The following RAB2A variants were observed in gnomAD, a reference collection of about 807,000 sequenced individuals.
The protein encoded by RAB2A is ras-related protein Rab-2A.
A neutral mutation model predicts 32.5 loss-of-function variants in RAB2A; 7 were observed. The ratio of observed to expected loss-of-function variants is 0.22; its 90% confidence interval spans 0.12 to 0.40. RAB2A has a LOEUF of 0.40. Among genes scored for constraint, RAB2A ranks in the 10% least tolerant of loss-of-function variants. The pLI is 1.00. For missense variants in RAB2A, 108 were observed against 260.7 expected (o/e 0.41, Z 4.03); for synonymous variants, 79 against 85.2 (o/e 0.93, Z 0.40).
At chr8:60,580,274 C>T (rs1803721981) in intron 3 of RAB2A, among the ~76,000 whole-genome samples, 2 of 152,132 alleles carry the variant, frequency 1.3e-5, no homozygotes, top group Admixed American at 1.3e-4. Context: ...AGATTACAGG[C>T]GTGAGCCACT....
At chr8:60,618,472 G>A (rs572660963) in intron 6 of RAB2A, 108 bp from the exon 7 acceptor site, 7 of 438,844 alleles carry the variant, frequency 1.6e-5, no homozygotes, top group South Asian at 6.0e-5. Flanking sequence ...TATGTATTAC[G>A]TCGATTGACT....
chr8:60,613,589 G>A (rs2150437938), intron 6 of RAB2A, among the ~76,000 whole-genome samples: 1 of 152,300 alleles, frequency 6.6e-6, no homozygotes, highest in Middle Eastern at 3.4e-3. Flanking sequence ...GTAAGAAGTG[G>A]TACTGGGGTT....
At chr8:60,523,191 G>A (rs1384014066) in intron 1 of RAB2A, among the ~76,000 whole-genome samples, 4 of 145,388 alleles carry the variant, frequency 2.8e-5, no homozygotes, top group South Asian at 2.2e-4. Flanking sequence ...AGACAGTCTC[G>A]CTGTCACCCA....
At chr8:60,549,452 A>G (rs1331357435) in intron 1 of RAB2A, among the ~76,000 whole-genome samples, 2 of 151,042 alleles carry the variant, frequency 1.3e-5, no homozygotes, top group Non-Finnish European at 2.9e-5. Context: ...AGCCCGGCCA[A>G]CACAGCGAAA....
intron 7 of RAB2A, 21 bp downstream of exon 7, chr8:60,618,669 T>G (rs779394193): frequency 1.4e-5 from 13 of 929,674 alleles, no homozygotes; most frequent in Non-Finnish European, 1.9e-5. Flanking sequence ...ATAAATATTG[T>G]TGGTCAATAT....
At chr8:60,568,896 G>A (rs1255729704) in intron 2 of RAB2A, among the ~76,000 whole-genome samples, 9 of 152,164 alleles carry the variant, frequency 5.9e-5, no homozygotes, top group African/African-American at 9.7e-5. Flanking sequence ...AAAGGAGAAG[G>A]AAACCTTTCT....
intron 2 of RAB2A, among the ~76,000 whole-genome samples, chr8:60,560,635 A>G (rs1005695550): frequency 1.3e-5 from 2 of 152,206 alleles, no homozygotes; most frequent in African/African-American, 4.8e-5. Context: ...ACTTAAGCCC[A>G]GCGTGTCCAA....
At chr8:60,549,414 G>A (rs1410320640) in intron 1 of RAB2A, among the ~76,000 whole-genome samples, 1 of 151,980 alleles carries the variant, frequency 6.6e-6, no homozygotes, top group African/African-American at 2.4e-5. Context: ...GAGGCTGGCG[G>A]ATCACTCGCG....
At chr8:60,566,561 A>G (rs1354567130) in intron 2 of RAB2A, among the ~76,000 whole-genome samples, 2 of 152,176 alleles carry the variant, frequency 1.3e-5, no homozygotes, top group African/African-American at 4.8e-5. Flanking sequence ...TTCTGTAACT[A>G]TAAATTTGCA....
chr8:60,543,302 A>C (rs7839474), intron 1 of RAB2A, among the ~76,000 whole-genome samples: 1 of 150,216 alleles, frequency 6.7e-6, no homozygotes, highest in Non-Finnish European at 1.5e-5. Flanking sequence ...ATCCTGCCTT[A>C]CCTCTTCCAG....
intron 2 of RAB2A, among the ~76,000 whole-genome samples, chr8:60,562,201 G>C (rs914737524): frequency 1.3e-5 from 2 of 152,160 alleles, no homozygotes; most frequent in African/African-American, 4.8e-5. Flanking sequence ...ACCCACGCCT[G>C]TGGAGAAATA....
At chr8:60,540,766 GCCACCGTGCCCAGC>G (rs1350970961) in intron 1 of RAB2A, among the ~76,000 whole-genome samples, 17 of 152,200 alleles carry the variant, frequency 1.1e-4, no homozygotes, top group African/African-American at 2.4e-5. Flanking sequence ...ACAAGTGTGA[GCCACCGTGCCCAGC>G]CCATTTTTTT....
chr8:60,567,044 T>C (rs1379621789), intron 2 of RAB2A, among the ~76,000 whole-genome samples: 1 of 152,158 alleles, frequency 6.6e-6, no homozygotes, highest in African/African-American at 2.4e-5. Flanking sequence ...CTTTGTAATA[T>C]GTTAGACCCC....
chr8:60,518,284 G>GGAC (rs1298849667), intron 1 of RAB2A, among the ~76,000 whole-genome samples: 1 of 152,124 alleles, frequency 6.6e-6, no homozygotes, highest in Non-Finnish European at 1.5e-5. Flanking sequence ...GCACAACTTT[G>GGAC]GACCCTTTGC....
intron 2 of RAB2A, chr8:60,559,280 T>C (rs2056415): frequency 0.52 from 104,844 of 203,438 alleles, 31,391 homozygotes; most frequent in African/African-American, 0.88. Flanking sequence ...GTGCAAGCCA[T>C]TTCCCCGTTT....
intron 1 of RAB2A, among the ~76,000 whole-genome samples, chr8:60,547,870 G>C (rs1218195900): frequency 6.4e-5 from 8 of 124,764 alleles, no homozygotes; most frequent in South Asian, 5.5e-4. Context: ...GCGGCTGGCC[G>C]GGCGGGGGGC....
chr8:60,517,148 C>CGGAGGAGGAGCAGCAGCG lies in RAB2A; in HGVS notation c.-48_-31dup, dbSNP rs1161779313. On this transcript the variant is annotated 5_prime_UTR_variant, in exon 1 of 8. Transcript: ENST00000262646. ...GCTGAGCGGCACCGGGGTTGGGGCG[C>CGGAGGAGGAGCAGCAGCG]GGAGGAGGAGCAGCAGCGGGAGGAG... 7 of 1,453,292 alleles carry CGGAGGAGGAGCAGCAGCG rather than the reference C, an allele frequency of 4.8e-6. No individual in the cohort carries two copies. Among genetic ancestry groups the CGGAGGAGGAGCAGCAGCG allele is most frequent in the Admixed American group, 5.2e-5 (2 of 38,610 alleles). The allele number at this position is 1,453,292 out of a possible 1,614,324, so 90.0% of individuals were successfully genotyped here.
chr8:60,614,563 C>G (rs566092967), intron 6 of RAB2A, among the ~76,000 whole-genome samples: 9 of 152,254 alleles, frequency 5.9e-5, no homozygotes, highest in Admixed American at 5.2e-4. Context: ...ATAGTTTTAA[C>G]AGGTGCCCTT....
intron 6 of RAB2A, among the ~76,000 whole-genome samples, chr8:60,607,420 C>T (rs1425746092): frequency 1.6e-5 from 2 of 128,526 alleles, no homozygotes; most frequent in Non-Finnish European, 1.6e-5. Context: ...CAGAGCGAGA[C>T]TCCATCTCAA....
Sources: allele counts gnomAD v4.1 joint callset (sites outside exome capture counted in the v4.1 genomes callset), GRCh38; gene constraint gnomAD v4.1.1; transcripts MANE v1.5; gene names NCBI Gene and HGNC (gene_info 2026-07-23, HGNC 2026-07-21).